TASP1: variants seen among roughly 807,000 people sequenced by gnomAD.
The protein encoded by TASP1 is taspase 1.
Under a neutral mutation model 56.6 loss-of-function variants are expected in TASP1, and 16 were observed. The observed-to-expected ratio is 0.28, with a 90% CI of 0.19 to 0.43. The LOEUF (loss-of-function observed/expected upper bound fraction) is 0.43, where lower values mean the gene tolerates loss of function less well. Ranked by LOEUF, TASP1 falls within the 20% of genes least tolerant of loss-of-function variation. TASP1 has a pLI of 1.00. For missense variants in TASP1, 393 were observed against 511.6 expected (o/e 0.77, Z 2.24); for synonymous variants, 179 against 184.2 (o/e 0.97, Z 0.23).
chr20:13,413,794 C>CCCT (rs2042166612), intron 13 of TASP1, among the ~76,000 whole-genome samples: 1 of 152,130 alleles, frequency 6.6e-6, no homozygotes, highest in Non-Finnish European at 1.5e-5. Context: ...TACCAAGGTT[C>CCCT]ACCTACTGTT....
At chr20:13,461,529 T>C (rs933334653) in intron 11 of TASP1, among the ~76,000 whole-genome samples, 3 of 152,176 alleles carry the variant, frequency 2.0e-5, no homozygotes, top group East Asian at 1.9e-4. Context: ...AGGCCAGGAA[T>C]TGGCAAGCTT....
At chr20:13,192,725 G>T in the TASP1 span, among the ~76,000 whole-genome samples, 2 of 149,772 alleles carry the variant, frequency 1.3e-5, no homozygotes, top group Non-Finnish European at 3.0e-5. Context: ...TTAAAGTTTT[G>T]TTTTTGTTTT....
intron 13 of TASP1, among the ~76,000 whole-genome samples, chr20:13,390,961 A>T (rs982628452): frequency 3.9e-5 from 6 of 152,208 alleles, no homozygotes; most frequent in African/African-American, 7.2e-5. Flanking sequence ...AAATGAGAAG[A>T]AAAATAAGAG....
chr20:13,132,002 A>C, the TASP1 span, among the ~76,000 whole-genome samples: 1 of 151,880 alleles, frequency 6.6e-6, no homozygotes, highest in Non-Finnish European at 1.5e-5. Flanking sequence ...GCTCCCACAG[A>C]AGGGTCTTTG....
the TASP1 span, among the ~76,000 whole-genome samples, chr20:13,140,943 C>T: frequency 1.3e-5 from 2 of 152,068 alleles, no homozygotes; most frequent in African/African-American, 4.8e-5. Context: ...TGCCTCTAAC[C>T]CAATGTGGAC....
chr20:13,135,434 A>G, the TASP1 span, among the ~76,000 whole-genome samples: 1 of 152,314 alleles, frequency 6.6e-6, no homozygotes, highest in Non-Finnish European at 1.5e-5. Flanking sequence ...TGGTGTTGAA[A>G]TGAAATTGGC....
At chr20:13,519,197 C>A (rs377106456) in intron 10 of TASP1, among the ~76,000 whole-genome samples, 1 of 152,008 alleles carries the variant, frequency 6.6e-6, no homozygotes, top group Admixed American at 6.6e-5. Context: ...AAAGAAGAGG[C>A]ACAAGGGTTG....
chr20:13,470,671 T>C (rs2044455107), intron 11 of TASP1, among the ~76,000 whole-genome samples: 1 of 152,176 alleles, frequency 6.6e-6, no homozygotes, highest in East Asian at 1.9e-4. Context: ...TTGTACACAT[T>C]TTAGAAGCAA....
chr20:13,415,993 G>A (rs1397758756), intron 13 of TASP1, among the ~76,000 whole-genome samples: 1 of 152,144 alleles, frequency 6.6e-6, no homozygotes, highest in Middle Eastern at 3.2e-3. Flanking sequence ...GAGAAGAAAT[G>A]AATCTGAAAA....
chr20:13,351,070 A>G, the TASP1 span, among the ~76,000 whole-genome samples: 1 of 152,192 alleles, frequency 6.6e-6, no homozygotes, highest in Admixed American at 6.5e-5. Flanking sequence ...GCAAATAAAC[A>G]TATGAAAAGA....
the TASP1 span, among the ~76,000 whole-genome samples, chr20:13,123,759 C>A: frequency 2.0e-5 from 3 of 152,186 alleles, no homozygotes; most frequent in African/African-American, 7.2e-5. Flanking sequence ...CTATCCAAAT[C>A]TCCCCATCCC....
chr20:13,128,132 A>G, the TASP1 span, among the ~76,000 whole-genome samples: 1 of 152,240 alleles, frequency 6.6e-6, no homozygotes, highest in South Asian at 2.1e-4. Flanking sequence ...AAAATATTTA[A>G]CATTGTGTCT....
the TASP1 span, among the ~76,000 whole-genome samples, chr20:13,217,923 T>A: frequency 6.6e-6 from 1 of 152,104 alleles, no homozygotes; most frequent in Non-Finnish European, 1.5e-5. Context: ...TCAATTTGAG[T>A]TCCTTTCACC....
chr20:13,302,981 G>A, the TASP1 span, among the ~76,000 whole-genome samples: 1 of 152,124 alleles, frequency 6.6e-6, no homozygotes, highest in Non-Finnish European at 1.5e-5. Context: ...TTAACGCCGG[G>A]GATTAAAGAA....
chr20:13,547,635 AG>A (rs2045853975), intron 8 of TASP1, among the ~76,000 whole-genome samples: 1 of 152,166 alleles, frequency 6.6e-6, no homozygotes, highest in Admixed American at 6.6e-5. Context: ...AAACCAATGC[AG>A]GTATTTTTAG....
At chr20:13,180,654 T>C in the TASP1 span, among the ~76,000 whole-genome samples, 13 of 152,172 alleles carry the variant, frequency 8.5e-5, no homozygotes, top group Non-Finnish European at 1.9e-4. Flanking sequence ...GAGGGAAAAG[T>C]AACATTGGAA....
chr20:13,164,764 C>T, the TASP1 span: 2 of 1,613,268 alleles, frequency 1.2e-6, no homozygotes, highest in South Asian at 1.1e-5. Context: ...GTTTTAGAAG[C>T]TCTTGATGAA....
chr20:13,333,844 A>G, the TASP1 span, among the ~76,000 whole-genome samples: 42 of 152,344 alleles, frequency 2.8e-4, no homozygotes, highest in African/African-American at 9.9e-4. Context: ...CTTTCGTTGA[A>G]GACTAAAGAT....
chr20:13,438,082 A>G (rs949779497), intron 11 of TASP1, among the ~76,000 whole-genome samples: 9 of 152,088 alleles, frequency 5.9e-5, no homozygotes, highest in Non-Finnish European at 1.0e-4. Context: ...TCAATGCCCA[A>G]GGTAATTTAT....
Sources: gnomAD v4.1 joint callset for allele counts (sites outside exome capture counted in the v4.1 genomes callset) on GRCh38, gnomAD v4.1.1 for gene constraint, MANE v1.5 for transcripts, NCBI Gene and HGNC (gene_info 2026-07-23, HGNC 2026-07-21) for gene names.